TTC7B: variants seen among roughly 807,000 people sequenced by gnomAD.
The protein encoded by TTC7B is tetratricopeptide repeat domain 7B, also known as tetratricopeptide repeat protein 7B.
A neutral mutation model predicts 106.8 loss-of-function variants in TTC7B; 28 were observed. That is an observed-to-expected ratio of 0.26 (90% CI 0.19 to 0.36). TTC7B has a LOEUF of 0.36. TTC7B is among the 10% of genes least tolerant of loss of function. The pLI is 1.00. For missense variants in TTC7B, 862 were observed against 1,076.4 expected, an observed-to-expected ratio of 0.80 and a Z score of 2.79; for synonymous variants, 405 against 430.6, an observed-to-expected ratio of 0.94 and a Z score of 0.74.
intron 1 of TTC7B, among the ~76,000 whole-genome samples, chr14:90,811,043 A>G (rs975649885): frequency 2.6e-5 from 4 of 152,190 alleles, no homozygotes; most frequent in African/African-American, 9.7e-5. Context: ...CGAGCTGCAC[A>G]GCCCCAGCCC....
chr14:90,770,265 A>C (rs1275984708), intron 3 of TTC7B, among the ~76,000 whole-genome samples: 1 of 152,276 alleles, frequency 6.6e-6, no homozygotes, highest in African/African-American at 2.4e-5. Flanking sequence ...AGACCATCAA[A>C]ATACATGAAG....
chr14:90,680,350 G>T (rs966475643), intron 8 of TTC7B, 122 bp downstream of exon 8: 1 of 720,276 alleles, frequency 1.4e-6, no homozygotes, highest in Admixed American at 2.7e-5. Flanking sequence ...TCCCATCCAG[G>T]TATACCCTCT....
intron 1 of TTC7B, among the ~76,000 whole-genome samples, chr14:90,806,927 T>G (rs1225777667): frequency 1.3e-5 from 2 of 151,860 alleles, no homozygotes; most frequent in Non-Finnish European, 2.9e-5. Flanking sequence ...AGAGTGAGGC[T>G]CAGAGAAGTT....
Position 90,578,121 on chromosome 14 carries a change from C to T in TTC7B, c.2295G>A (p.Lys765=). The T allele has an allele frequency of 6.2e-7, 1 of 1,611,350 alleles. No individual in the cohort carries two copies. Among genetic ancestry groups the T allele is most frequent in the African/African-American group, 1.3e-5 (1 of 75,052 alleles). The change falls in exon 19 of 20, where the codon AAG becomes AAA. Residue 765 remains lysine (K), a synonymous_variant. Coordinates refer to ENST00000328459, the MANE Select transcript of TTC7B (RefSeq NM_001010854.2). This position sits in a 1 kb window ranked among gnomAD's most constrained non-coding sequence, Gnocchi z 4.7. ...GTGGACTCACCAGTCGCTGCATGCTCTTCACGTGGGTGGGGCTGATGGCTA... is the reference window on the plus strand; with the variant it reads ...GTGGACTCACCAGTCGCTGCATGCTTTTCACGTGGGTGGGGCTGATGGCTA... ...EALAISPTHV[K]SMQRLALILH...
chr14:90,752,051 C>T (rs1044930325), intron 3 of TTC7B, among the ~76,000 whole-genome samples: 2 of 152,182 alleles, frequency 1.3e-5, no homozygotes, highest in African/African-American at 2.4e-5. Flanking sequence ...AGCCAGCAGA[C>T]CAATGGGACA....
intron 1 of TTC7B, among the ~76,000 whole-genome samples, chr14:90,811,575 T>G (rs2140066360): frequency 6.6e-6 from 1 of 152,286 alleles, no homozygotes. Flanking sequence ...CACATCACTG[T>G]GGATGCCCGT....
intron 1 of TTC7B, among the ~76,000 whole-genome samples, chr14:90,804,029 G>T (rs933842414): frequency 6.6e-6 from 1 of 151,910 alleles, no homozygotes; most frequent in African/African-American, 2.4e-5. Context: ...CAACACACTC[G>T]CAGAGAGCCA....
intron 2 of TTC7B, 59 bp from the exon 3 acceptor site, chr14:90,780,965 C>G: frequency 6.6e-7 from 1 of 1,522,352 alleles, no homozygotes; most frequent in Non-Finnish European, 9.0e-7. Context: ...ATGATGCTCC[C>G]TCAGAGTCTG....
intron 11 of TTC7B, among the ~76,000 whole-genome samples, chr14:90,656,120 T>C (rs1224149669): frequency 6.6e-6 from 1 of 152,182 alleles, no homozygotes; most frequent in African/African-American, 2.4e-5. Flanking sequence ...GGTGAGAGCC[T>C]GTGCTTTCAA....
chr14:90,638,909 C>A (rs1383401767), intron 15 of TTC7B, among the ~76,000 whole-genome samples: 1 of 152,192 alleles, frequency 6.6e-6, no homozygotes, highest in Admixed American at 6.5e-5. Context: ...GAAACAACTG[C>A]GGACATTTGG....
intron 15 of TTC7B, among the ~76,000 whole-genome samples, chr14:90,641,305 A>C (rs1843351418): frequency 6.6e-6 from 1 of 152,198 alleles, no homozygotes; most frequent in Non-Finnish European, 1.5e-5. Flanking sequence ...TAACTGCCCA[A>C]CAGGTGGACA....
chr14:90,791,993 C>T (rs1006551633), intron 1 of TTC7B, among the ~76,000 whole-genome samples: 3 of 152,158 alleles, frequency 2.0e-5, no homozygotes, highest in African/African-American at 4.8e-5. Context: ...GGAAACACCC[C>T]ATCAACCTCA....
chr14:90,762,227 A>G (rs929600906), intron 3 of TTC7B, among the ~76,000 whole-genome samples: 3 of 152,204 alleles, frequency 2.0e-5, no homozygotes, highest in African/African-American at 7.2e-5. Context: ...AACTGAAGAG[A>G]CACCATTGCT....
intron 1 of TTC7B, among the ~76,000 whole-genome samples, chr14:90,804,074 G>T (rs972020654): frequency 6.6e-6 from 1 of 152,110 alleles, no homozygotes; most frequent in Non-Finnish European, 1.5e-5. Context: ...TGTGGCTCAC[G>T]CCTGTAATCC....
At position 90,808,157 on chromosome 14, in the gene TTC7B, C is replaced by T. The variant is rs1055402740; in HGVS notation, c.121+8018G>A. ...GCCAGAATCTGGCACACAAGAGAGA[C>T]GCAAGAGGCTGGGCACAGTGGCTCA... On this transcript the variant is annotated intron_variant, in intron 1 of 19. Coordinates refer to ENST00000328459, the MANE Select transcript of TTC7B (RefSeq NM_001010854.2). The surrounding 1 kb of genome is among the most constrained non-coding windows in gnomAD (Gnocchi z 4.2). 1.3e-5 allele frequency among the ~76,000 whole-genome samples: 2 copies of T among 152,156 alleles called. No homozygotes were observed. The highest frequency in any genetic ancestry group is 2.9e-5 in the Non-Finnish European group (2 of 68,040).
At chr14:90,622,021 A>C (rs1003701365) in intron 15 of TTC7B, among the ~76,000 whole-genome samples, 1 of 152,190 alleles carries the variant, frequency 6.6e-6, no homozygotes, top group Non-Finnish European at 1.5e-5. Flanking sequence ...GTTAACATTT[A>C]ATACATTTCA....
At position 90,577,244 on chromosome 14, in the gene TTC7B, C is replaced by T. The variant is rs767422722; in HGVS notation, c.2310+862G>A. Among the ~76,000 whole-genome samples, 3 of 152,224 alleles carry T rather than the reference C, an allele frequency of 2.0e-5. No individual in the cohort carries two copies. Among genetic ancestry groups the T allele is most frequent in the South Asian group, 2.1e-4 (1 of 4,830 alleles). ...GCATGCAGGCCCAGGGAACGTGGCA[C>T]GGCTTTTCACAAGCTCCTCAGACCC... On this transcript the variant is annotated intron_variant, in intron 19 of 19. Transcript: ENST00000328459. This position sits in a 1 kb window ranked among gnomAD's most constrained non-coding sequence, Gnocchi z 5.0.
At chr14:90,658,587 A>G (rs1035298463) in intron 9 of TTC7B, among the ~76,000 whole-genome samples, 200 bp from the exon 10 acceptor site, 6 of 152,344 alleles carry the variant, frequency 3.9e-5, no homozygotes, top group African/African-American at 1.4e-4. Flanking sequence ...GGCCAGGACA[A>G]CCTACAACTG....
chr14:90,677,189 T>C (rs2139924781), intron 8 of TTC7B, among the ~76,000 whole-genome samples: 1 of 152,278 alleles, frequency 6.6e-6, no homozygotes, highest in East Asian at 1.9e-4. Context: ...AACATTCAAA[T>C]CCCTATATGA....
Sources: allele counts gnomAD v4.1 joint callset (sites outside exome capture counted in the v4.1 genomes callset), GRCh38; gene constraint gnomAD v4.1.1; non-coding constraint Gnocchi (gnomAD v3.1); transcripts MANE v1.5; gene names NCBI Gene and HGNC (gene_info 2026-07-23, HGNC 2026-07-21).